The following TC2N variants were observed in gnomAD, a reference collection of about 807,000 sequenced individuals.
TC2N encodes the protein tandem C2 domains, nuclear, also known as tandem C2 domains nuclear protein.
Under a neutral mutation model 61.9 loss-of-function variants are expected in TC2N, and 51 were observed. The observed-to-expected ratio is 0.82, with a 90% CI of 0.66 to 1.04. The LOEUF (loss-of-function observed/expected upper bound fraction) is 1.04, where lower values mean the gene tolerates loss of function less well. TC2N is among the 50% of genes least tolerant of loss of function. TC2N has a pLI of 0.00. For synonymous variants in TC2N, 204 were observed against 192.6 expected (o/e 1.06, Z -0.49); for missense variants, 556 against 566.7 (o/e 0.98, Z 0.19).
Position 91,783,070 on chromosome 14 carries a change from A to G in TC2N, c.*30T>C. The G allele has an allele frequency of 7.3e-7, 1 of 1,364,452 alleles. No homozygotes were observed. Among genetic ancestry groups the G allele is most frequent in the Non-Finnish European group, 1.0e-6 (1 of 958,672 alleles). 84.5% of individuals were successfully genotyped at this position (1,364,452 alleles called of 1,614,324 possible). ...TCATAAGTCTTCTAAAAGAATGTCA[A>G]GTTCTTCACCAAATTAATGTGTGAA... On this transcript the variant is annotated 3_prime_UTR_variant, in exon 12 of 12. Transcript: ENST00000435962.
In TC2N at chr14:91,781,347, G is replaced by A. The variant is rs1196031156; in HGVS notation, c.*1753C>T. 6.6e-6 allele frequency: 1 copy of A among 152,042 alleles called. No homozygotes were observed. The allele number at this position is 152,042 out of a possible 1,614,324, so 9.4% of individuals were successfully genotyped here. A position where few individuals can be genotyped will look rare whatever the true frequency, so the allele number is the denominator to read the frequency against. On this transcript the variant is annotated 3_prime_UTR_variant, in exon 12 of 12. Coordinates refer to ENST00000435962, the MANE Select transcript of TC2N (RefSeq NM_001128596.3). ...CATATCATCATATATTTGTCCTCTA[G>A]CATGTATAACACCAAGAGGGGACTC...
chr14:91,850,198 T>G (rs924418457), intron 1 of TC2N, among the ~76,000 whole-genome samples: 2 of 148,958 alleles, frequency 1.3e-5, no homozygotes, highest in Non-Finnish European at 3.0e-5. Flanking sequence ...AAAAAAGGGA[T>G]AATTATAATT....
chr14:91,819,047 CATG>C (rs1446720762), intron 1 of TC2N, among the ~76,000 whole-genome samples: 1 of 152,024 alleles, frequency 6.6e-6, no homozygotes, highest in Non-Finnish European at 1.5e-5. Flanking sequence ...GGTCAGGAAA[CATG>C]AAGAAAACTA....
intron 1 of TC2N, among the ~76,000 whole-genome samples, chr14:91,816,892 T>C (rs1595250982): frequency 6.6e-6 from 1 of 151,992 alleles, no homozygotes; most frequent in East Asian, 1.9e-4. Context: ...CCTGTACCAA[T>C]GGTATATCAT....
At chr14:91,800,137 A>G (rs377135964) in intron 5 of TC2N, 144 bp downstream of exon 5, 8 of 453,230 alleles carry the variant, frequency 1.8e-5, no homozygotes, top group African/African-American at 1.2e-4. Context: ...TACATGGGAA[A>G]TATCAATTAT....
At chr14:91,857,369 T>G (rs1566791339) in intron 1 of TC2N, among the ~76,000 whole-genome samples, 1 of 152,196 alleles carries the variant, frequency 6.6e-6, no homozygotes, top group Non-Finnish European at 1.5e-5. Flanking sequence ...ACTGAGGGAA[T>G]GCCGAAGTGG....
intron 1 of TC2N, among the ~76,000 whole-genome samples, chr14:91,832,801 C>CA (rs1365182549): frequency 3.3e-5 from 5 of 150,628 alleles, no homozygotes; most frequent in Non-Finnish European, 5.9e-5. Context: ...AATTTAAAAG[C>CA]AAAAAAATAA....
chr14:91,840,438 T>G (rs61990096), intron 1 of TC2N, among the ~76,000 whole-genome samples: 20 of 152,342 alleles, frequency 1.3e-4, no homozygotes, highest in Non-Finnish European at 2.4e-4. Context: ...TTGTCCCAAG[T>G]AGATAAAGAA....
At chr14:91,793,557 T>A (rs1231498285) in intron 8 of TC2N, among the ~76,000 whole-genome samples, 1 of 152,224 alleles carries the variant, frequency 6.6e-6, no homozygotes, top group Non-Finnish European at 1.5e-5. Flanking sequence ...GTAATTCTCA[T>A]AATAGTTCAA....
intron 1 of TC2N, among the ~76,000 whole-genome samples, chr14:91,821,044 A>G (rs1291909810): frequency 6.6e-6 from 1 of 152,024 alleles, no homozygotes; most frequent in Non-Finnish European, 1.5e-5. Context: ...CTAAGGTGGC[A>G]ATACTCCCCA....
chr14:91,836,146 GAAAGTT>G (rs1887990371), intron 1 of TC2N: 1 of 152,560 alleles, frequency 6.6e-6, no homozygotes, highest in South Asian at 2.1e-4. Flanking sequence ...CCATTTTAAA[GAAAGTT>G]AAAGACAAAA....
chr14:91,801,234 T>C (rs923992888), intron 4 of TC2N, among the ~76,000 whole-genome samples: 2 of 152,106 alleles, frequency 1.3e-5, no homozygotes, highest in Non-Finnish European at 2.9e-5. Context: ...CATGAGTTTC[T>C]AAATTCATCA....
At position 91,852,191 on chromosome 14, in the gene TC2N, G is replaced by A. The variant is rs148947149; in HGVS notation, c.-57+15071C>T. 2.2e-3 allele frequency among the ~76,000 whole-genome samples: 330 copies of A among 152,346 alleles called. 1 individual carries two copies. Among genetic ancestry groups the A allele is most frequent in the African/African-American group, 7.6e-3 (317 of 41,574 alleles). On this transcript the variant is annotated intron_variant, in intron 1 of 11. Coordinates refer to ENST00000435962, the MANE Select transcript of TC2N (RefSeq NM_001128596.3). ...GCCTGTAATCCCAGCACTTTGGGAG[G>A]CCGAGGCGGGCAGATCACCTGAGGT...
At chr14:91,856,165 C>T (rs1300462292) in intron 1 of TC2N, among the ~76,000 whole-genome samples, 1 of 152,140 alleles carries the variant, frequency 6.6e-6, no homozygotes, top group East Asian at 1.9e-4. Context: ...AAGGCTCTAA[C>T]ACAGAATCTG....
At chr14:91,859,304 T>C (rs1487525557) in intron 1 of TC2N, among the ~76,000 whole-genome samples, 1 of 151,086 alleles carries the variant, frequency 6.6e-6, no homozygotes, top group African/African-American at 2.4e-5. Context: ...ACATAAAAAT[T>C]AAAAAAAAAG....
At position 91,799,075 on chromosome 14, in the gene TC2N, A is replaced by G. The variant is rs1886077953; in HGVS notation, c.562-11T>C. The stretch of plus-strand genomic sequence containing the variant: ...CAATGAATCATGTCTCTATAAATAA[A>G]ATTATTCTTTAGTCAGAAATTGCAT... On this transcript the variant is annotated splice_polypyrimidine_tract_variant and intron_variant, in intron 5 of 11. Coordinates refer to ENST00000435962, the MANE Select transcript of TC2N (RefSeq NM_001128596.3). 6.5e-7 allele frequency: 1 copy of G among 1,548,900 alleles called. No homozygotes were observed. The highest frequency in any genetic ancestry group is 8.7e-7 in the Non-Finnish European group (1 of 1,145,558).
chr14:91,857,217 A>G (rs1372079361), intron 1 of TC2N, among the ~76,000 whole-genome samples: 2 of 152,216 alleles, frequency 1.3e-5, no homozygotes, highest in South Asian at 2.1e-4. Context: ...TCAACAAAAT[A>G]TAATTAAAAT....
chr14:91,836,626 A>AATGC (rs1409549726), intron 1 of TC2N: 1 of 141,638 alleles, frequency 7.1e-6, no homozygotes, highest in Non-Finnish European at 1.6e-5. Flanking sequence ...GGGGCGAGGC[A>AATGC]GGGCGGGGCA....
At chr14:91,788,296 ACAG>A (rs1417237046) in intron 9 of TC2N, among the ~76,000 whole-genome samples, 3 of 152,238 alleles carry the variant, frequency 2.0e-5, no homozygotes, top group Admixed American at 6.5e-5. Context: ...CTGCTGACCA[ACAG>A]CAGAAGAAAG....
Sources: gnomAD v4.1 joint callset for allele counts (sites outside exome capture counted in the v4.1 genomes callset) on GRCh38, gnomAD v4.1.1 for gene constraint, MANE v1.5 for transcripts, NCBI Gene and HGNC (gene_info 2026-07-23, HGNC 2026-07-21) for gene names.